NRG1: variants seen among roughly 807,000 people sequenced by gnomAD.
NRG1 encodes the protein neuregulin 1, also known as pro-neuregulin-1, membrane-bound isoform.
A neutral mutation model predicts 63.8 loss-of-function variants in NRG1; 18 were observed. That is an observed-to-expected ratio of 0.28 (90% CI 0.19 to 0.42). The LOEUF (loss-of-function observed/expected upper bound fraction) is 0.42. Ranked by LOEUF, NRG1 falls within the 10% of genes least tolerant of loss-of-function variation. The pLI is 1.00. For synonymous variants in NRG1, 302 were observed against 301.3 expected (o/e 1.00, Z -0.02); for missense variants, 762 against 814.7 (o/e 0.94, Z 0.79).
intron 1 of NRG1, among the ~76,000 whole-genome samples, chr8:32,410,433 A>G (rs761886449): frequency 6.6e-6 from 1 of 151,818 alleles, no homozygotes; most frequent in African/African-American, 2.4e-5. Flanking sequence ...TCCCAAAGTG[A>G]TGGGATTACA....
At chr8:31,984,631 G>A (rs1007524658) in intron 1 of NRG1, among the ~76,000 whole-genome samples, 1 of 152,100 alleles carries the variant, frequency 6.6e-6, no homozygotes, top group Non-Finnish European at 1.5e-5. Flanking sequence ...CATGATGCCT[G>A]TGCCCTGCAA....
At chr8:32,093,086 T>C (rs1829414210) in intron 1 of NRG1, among the ~76,000 whole-genome samples, 1 of 152,204 alleles carries the variant, frequency 6.6e-6, no homozygotes, top group Admixed American at 6.5e-5. Context: ...TTATTGTGTC[T>C]ATGTAGAAAG....
intron 1 of NRG1, among the ~76,000 whole-genome samples, chr8:31,969,484 T>C (rs779699258): frequency 2.0e-5 from 3 of 152,172 alleles, no homozygotes; most frequent in Non-Finnish European, 4.4e-5. Context: ...TTGATACTAA[T>C]GATCTCAGAA....
At chr8:31,895,814 C>T (rs1465914075) in intron 1 of NRG1, among the ~76,000 whole-genome samples, 1 of 152,144 alleles carries the variant, frequency 6.6e-6, no homozygotes, top group African/African-American at 2.4e-5. Flanking sequence ...TAGTCAACAA[C>T]TTCTTTGGCA....
Position 31,717,745 on chromosome 8 carries a change from T to A in NRG1, c.37+78314T>A, listed in dbSNP as rs544979918. Reference sequence around the variant, plus strand: ...CAGCGATGCCTTTTTTTTTGTCATTTTAAGGCCCCCTCCAAAGTGTTGTAA... The same window carrying A: ...CAGCGATGCCTTTTTTTTTGTCATTATAAGGCCCCCTCCAAAGTGTTGTAA... On this transcript the variant is annotated intron_variant, in intron 1 of 10. Coordinates refer to the NRG1 transcript ENST00000519301. Among the ~76,000 whole-genome samples, 173 of 152,330 alleles carry A rather than the reference T, an allele frequency of 1.1e-3. 2 individuals carry two copies. The highest frequency in any genetic ancestry group is 3.4e-3 in the Middle Eastern group (1 of 294).
In NRG1 at chr8:32,456,525, C is replaced by A. The variant is rs1310441536; in HGVS notation, c.38-139303C>A. On this transcript the variant is annotated intron_variant, in intron 1 of 10. Transcript: ENST00000519301. ...CATCTGAAGATGACCAGGGTAAAGA[C>A]CTTTATGGGGATTCACTTCCACTTA... Among the ~76,000 whole-genome samples, 5 of 152,162 alleles carry A rather than the reference C, an allele frequency of 3.3e-5. No individual in the cohort carries two copies. The South Asian group carries it at 8.3e-4, about 25-fold the overall frequency.
chr8:32,705,210 C>T (rs1816061465), intron 5 of NRG1, among the ~76,000 whole-genome samples: 1 of 150,522 alleles, frequency 6.6e-6, no homozygotes, highest in Admixed American at 6.6e-5. Context: ...TCGCTCACTG[C>T]AAGCTCCACC....
intron 1 of NRG1, among the ~76,000 whole-genome samples, chr8:31,852,400 A>G (rs1190644515): frequency 6.6e-6 from 1 of 152,062 alleles, no homozygotes; most frequent in Non-Finnish European, 1.5e-5. Flanking sequence ...GGCTGCATAA[A>G]TGTCTTCTTT....
At chr8:32,054,636 T>C (rs2130841888) in intron 1 of NRG1, among the ~76,000 whole-genome samples, 1 of 152,214 alleles carries the variant, frequency 6.6e-6, no homozygotes, top group East Asian at 1.9e-4. Flanking sequence ...GCTGTTATGG[T>C]GTTAGGGCTA....
At chr8:31,829,430 A>G (rs1824891189) in intron 1 of NRG1, among the ~76,000 whole-genome samples, 2 of 152,222 alleles carry the variant, frequency 1.3e-5, no homozygotes, top group South Asian at 4.1e-4. Context: ...CAGCATTATC[A>G]CAGCAACTGG....
intron 1 of NRG1, among the ~76,000 whole-genome samples, chr8:32,488,376 A>G (rs1826153275): frequency 6.6e-6 from 1 of 152,174 alleles, no homozygotes; most frequent in South Asian, 2.1e-4. Flanking sequence ...TTCTCTTAGA[A>G]TTGTGATGGT....
At chr8:31,875,543 A>G (rs1829847845) in intron 1 of NRG1, among the ~76,000 whole-genome samples, 1 of 152,200 alleles carries the variant, frequency 6.6e-6, no homozygotes, top group South Asian at 2.1e-4. Flanking sequence ...GGTCTGCCTC[A>G]GCACGGAGAT....
At chr8:32,431,411 A>C (rs1396489021) in intron 1 of NRG1, among the ~76,000 whole-genome samples, 3 of 152,028 alleles carry the variant, frequency 2.0e-5, no homozygotes, top group Non-Finnish European at 4.4e-5. Flanking sequence ...CTGGTCCAGC[A>C]CTTATTCTCA....
intron 1 of NRG1, among the ~76,000 whole-genome samples, chr8:31,775,141 C>A (rs925540568): frequency 6.6e-6 from 1 of 152,192 alleles, no homozygotes; most frequent in Non-Finnish European, 1.5e-5. Context: ...GATACCTGTA[C>A]TCATATATTT....
chr8:32,516,533 A>G (rs1829840023), intron 1 of NRG1, among the ~76,000 whole-genome samples: 2 of 152,182 alleles, frequency 1.3e-5, no homozygotes, highest in South Asian at 2.1e-4. Context: ...GGCCATTTTA[A>G]TGATATTAAT....
chr8:32,379,310 A>G (rs1179013790), intron 1 of NRG1, among the ~76,000 whole-genome samples: 1 of 151,878 alleles, frequency 6.6e-6, no homozygotes, highest in Non-Finnish European at 1.5e-5. Flanking sequence ...AAAACAGGGA[A>G]GATTAAAACT....
At chr8:31,924,618 CT>C (rs142092572) in intron 1 of NRG1, among the ~76,000 whole-genome samples, 1 of 139,796 alleles carries the variant, frequency 7.2e-6, no homozygotes, top group South Asian at 2.2e-4. Context: ...AAATTTGTGC[CT>C]TTTTTTTTTC....
intron 1 of NRG1, among the ~76,000 whole-genome samples, chr8:32,357,011 C>A (rs1806524833): frequency 6.6e-6 from 1 of 152,126 alleles, no homozygotes. Flanking sequence ...TTAGAGTCTG[C>A]AGTGATCTCA....
At chr8:32,692,615 A>G (rs531650157) in intron 5 of NRG1, among the ~76,000 whole-genome samples, 10 of 152,328 alleles carry the variant, frequency 6.6e-5, no homozygotes, top group African/African-American at 2.2e-4. Flanking sequence ...TGTGTGTGCA[A>G]TGAACAACAG....
Sources: allele counts gnomAD v4.1 joint callset (sites outside exome capture counted in the v4.1 genomes callset), GRCh38; gene constraint gnomAD v4.1.1; transcripts MANE v1.5; gene names NCBI Gene and HGNC (gene_info 2026-07-23, HGNC 2026-07-21).